Variants in PCDHA6 observed in about 807,000 individuals in gnomAD.
PCDHA6 encodes the protein protocadherin alpha 6, also known as protocadherin alpha-6.
A neutral mutation model predicts 60.3 loss-of-function variants in PCDHA6; 55 were observed. The ratio of observed to expected loss-of-function variants is 0.91; its 90% CI spans 0.73 to 1.14. PCDHA6 has a LOEUF of 1.14. Among genes scored for constraint, PCDHA6 ranks in the 50% most tolerant of loss-of-function variants. The pLI is 0.00. For missense variants in PCDHA6, 1,327 were observed against 1,256.5 expected (o/e 1.06, Z -0.85); for synonymous variants, 652 against 557.9 (o/e 1.17, Z -2.38).
chr5:140,840,577 G>T lies in PCDHA6; in HGVS notation c.2394+10092G>T, dbSNP rs185474153. ...TACTGCTAGAGTTTGGCATGTCAGA[G>T]AAATCATAAAGGAAAATGTTTTAAG... On this transcript the variant is annotated intron_variant, in intron 1 of 3. Coordinates refer to ENST00000529310, the MANE Select transcript of PCDHA6 (RefSeq NM_018909.4). Among the ~76,000 whole-genome samples, 160 of 152,084 alleles carry T rather than the reference G, an allele frequency of 1.1e-3. 2 individuals are homozygous for T. Among genetic ancestry groups the T allele is most frequent in the African/African-American group, 3.7e-3 (153 of 41,446 alleles).
At chr5:140,843,810 T>C in intron 1 of PCDHA6, 1 of 1,274,540 alleles carries the variant, frequency 7.8e-7, no homozygotes, top group Non-Finnish European at 1.1e-6. Context: ...CCGTATTTTA[T>C]AGTGAAAATT....
In PCDHA6 at chr5:140,848,922, G is replaced by A. The variant is rs2150424904; in HGVS notation, c.2394+18437G>A. Reference sequence around the variant, plus strand: ...AGCGACACAAAAGAATCTGTTCATCGCGGAATCCAGGCCGCTTGACTCTCG... The same window carrying A: ...AGCGACACAAAAGAATCTGTTCATCACGGAATCCAGGCCGCTTGACTCTCG... On this transcript the variant is annotated intron_variant, in intron 1 of 3. Transcript: ENST00000529310. The A allele has an allele frequency of 1.1e-5, 18 of 1,607,650 alleles. 1 individual carries two copies. The highest frequency in any genetic ancestry group is 2.7e-5 in the African/African-American group (2 of 73,700).
At chr5:140,934,547 C>A (rs2089905916) in intron 1 of PCDHA6, among the ~76,000 whole-genome samples, 1 of 152,124 alleles carries the variant, frequency 6.6e-6, no homozygotes, top group African/African-American at 2.4e-5. Flanking sequence ...CTAATTCTAT[C>A]ATTTCTTCTT....
chr5:140,843,875 G>A (rs1044145588), intron 1 of PCDHA6: 18 of 764,320 alleles, frequency 2.4e-5, no homozygotes, highest in Middle Eastern at 3.9e-4. Context: ...TTTCTCAGTG[G>A]CATAATACAG....
chr5:140,870,775 A>G (rs782661485), intron 1 of PCDHA6: 3 of 1,613,592 alleles, frequency 1.9e-6, no homozygotes, highest in Non-Finnish European at 1.7e-6. Context: ...GCTGGACGAG[A>G]ACGACAACGC....
intron 1 of PCDHA6, among the ~76,000 whole-genome samples, chr5:140,941,208 T>TTCCTTTCTTTCTTTCTTTCTTTCG (rs2092839762): frequency 9.1e-6 from 1 of 109,450 alleles, no homozygotes; most frequent in Non-Finnish European, 2.0e-5. Context: ...TCTTCCTTTC[T>TTCCTTTCTTTCTTTCTTTCTTTCG]TTCTTCCTTT....
intron 1 of PCDHA6, chr5:140,856,534 A>G (rs782489948): frequency 6.3e-7 from 1 of 1,598,482 alleles, no homozygotes; most frequent in Non-Finnish European, 8.6e-7. Context: ...CGGATGTTGG[A>G]GAGAACGCAT....
At chr5:140,996,431 T>C (rs1294673547) in intron 3 of PCDHA6, among the ~76,000 whole-genome samples, 1 of 152,182 alleles carries the variant, frequency 6.6e-6, no homozygotes, top group African/African-American at 2.4e-5. Flanking sequence ...ACTTTGGGAA[T>C]AGTCAGTGTC....
rs1200776013 is a variant in PCDHA6, at chr5:140,836,933, T to G, written c.2394+6448T>G. On this transcript the variant is annotated intron_variant, in intron 1 of 3. Transcript: ENST00000529310. ...ACTTTTGTTTTGGGATGCGTAATAC[T>G]ATAGATCAAAATCTATGGTTTATGT... is the stretch of plus-strand genomic sequence containing the variant. 4 of 481,968 alleles carry G rather than the reference T, an allele frequency of 8.3e-6. 1 individual carries two copies. The highest frequency in any genetic ancestry group is 1.4e-5 in the Non-Finnish European group (4 of 282,424). The allele number at this position is 481,968 out of a possible 1,614,324, so 29.9% of individuals were successfully genotyped here. A position where few individuals can be genotyped will look rare whatever the true frequency, so the allele number is the denominator to read the frequency against.
intron 1 of PCDHA6, among the ~76,000 whole-genome samples, chr5:140,847,133 A>G (rs984510498): frequency 6.7e-6 from 1 of 149,740 alleles, no homozygotes; most frequent in Non-Finnish European, 1.5e-5. Flanking sequence ...CAGGAAAACC[A>G]ATGTAAGAAG....
intron 1 of PCDHA6, chr5:140,870,904 G>A (rs1554164810): frequency 1.9e-6 from 3 of 1,613,840 alleles, no homozygotes; most frequent in African/African-American, 2.7e-5. Context: ...TGCGGACTCA[G>A]GCTACAACGC....
chr5:140,971,845 G>A (rs370364575), intron 1 of PCDHA6, among the ~76,000 whole-genome samples: 4 of 152,052 alleles, frequency 2.6e-5, no homozygotes, highest in Admixed American at 6.5e-5. Context: ...CAAGTCATGC[G>A]TTAAATATTT....
At chr5:140,899,948 C>A (rs2067639860) in intron 1 of PCDHA6, among the ~76,000 whole-genome samples, 1 of 151,682 alleles carries the variant, frequency 6.6e-6, no homozygotes, top group South Asian at 2.1e-4. Context: ...GCTGGGACCA[C>A]AGGCATGTGC....
intron 1 of PCDHA6, among the ~76,000 whole-genome samples, chr5:140,962,596 T>C (rs2095694957): frequency 6.6e-6 from 1 of 152,218 alleles, no homozygotes; most frequent in South Asian, 2.1e-4. Flanking sequence ...TTGACTGATA[T>C]ATTTCTTCTG....
At chr5:140,917,587 C>T (rs2078270380) in intron 1 of PCDHA6, among the ~76,000 whole-genome samples, 1 of 152,164 alleles carries the variant, frequency 6.6e-6, no homozygotes, top group Non-Finnish European at 1.5e-5. Context: ...TTTGTTCATG[C>T]TGAAAGGAAG....
intron 1 of PCDHA6, among the ~76,000 whole-genome samples, chr5:140,831,828 T>G (rs149132761): frequency 6.6e-6 from 1 of 152,292 alleles, no homozygotes; most frequent in Non-Finnish European, 1.5e-5. Flanking sequence ...TAAACACTAG[T>G]TTCAATGATA....
intron 1 of PCDHA6, chr5:140,869,878 ACT>A: frequency 6.2e-7 from 1 of 1,610,122 alleles, no homozygotes; most frequent in Non-Finnish European, 8.5e-7. Context: ...TGCTAAAGAA[ACT>A]CTTGTGCTCA....
chr5:140,912,359 G>A (rs1483575347), intron 1 of PCDHA6, among the ~76,000 whole-genome samples: 1 of 131,950 alleles, frequency 7.6e-6, no homozygotes, highest in Non-Finnish European at 1.6e-5. Context: ...TTTTTTTTTT[G>A]CAGCTGTTGT....
chr5:140,871,607 AT>A, intron 1 of PCDHA6: 1 of 1,438,710 alleles, frequency 7.0e-7, no homozygotes. Flanking sequence ...AGTGTTTTGA[AT>A]ATTGTTTTAG....
Sources: gnomAD v4.1 joint callset for allele counts (sites outside exome capture counted in the v4.1 genomes callset) on GRCh38, gnomAD v4.1.1 for gene constraint, MANE v1.5 for transcripts, NCBI Gene and HGNC (gene_info 2026-07-23, HGNC 2026-07-21) for gene names.